Variants in KHDRBS2 observed in about 807,000 individuals in gnomAD.
The protein encoded by KHDRBS2 is KH domain-containing, RNA-binding, signal transduction-associated protein 2.
In KHDRBS2, 26 loss-of-function variants were observed where a neutral mutation model predicts 44.3. The ratio of observed to expected loss-of-function variants is 0.59; its 90% CI spans 0.43 to 0.81. The LOEUF (loss-of-function observed/expected upper bound fraction) is 0.81. KHDRBS2 is among the 40% of genes least tolerant of loss of function. The pLI is 0.00. For missense variants in KHDRBS2, 476 were observed against 433.1 expected, an observed-to-expected ratio of 1.10 and a Z score of -0.88; for synonymous variants, 194 against 151.1, an observed-to-expected ratio of 1.28 and a Z score of -2.08.
rs531424007 is a variant in KHDRBS2, at chr6:62,253,619, A to G, written c.91+32239T>C. Among the ~76,000 whole-genome samples the G allele has an allele frequency of 5.9e-5, 9 of 152,102 alleles. No individual in the cohort carries two copies. The South Asian group carries it at 1.9e-3, about 32-fold the overall frequency. On this transcript the variant is annotated intron_variant, in intron 1 of 8. Transcript: ENST00000281156. ...AAAAATCTATGAATGAATAAAACTG[A>G]CACACAGAAGAAGAAGGGGGAGGAA...
intron 7 of KHDRBS2, among the ~76,000 whole-genome samples, chr6:61,702,747 A>T (rs1768894136): frequency 6.6e-6 from 1 of 151,914 alleles, no homozygotes; most frequent in South Asian, 2.1e-4. Flanking sequence ...ATAAAAATAA[A>T]ATTCAAATAA....
At chr6:62,003,800 A>T (rs1167326341) in intron 3 of KHDRBS2, among the ~76,000 whole-genome samples, 2 of 152,156 alleles carry the variant, frequency 1.3e-5, no homozygotes, top group Middle Eastern at 3.2e-3. Flanking sequence ...AAAGATCAGA[A>T]ATCACAACAA....
the KHDRBS2 span, among the ~76,000 whole-genome samples, chr6:61,618,493 G>T: frequency 6.6e-6 from 1 of 151,952 alleles, no homozygotes; most frequent in Non-Finnish European, 1.5e-5. Context: ...TAAGTTCAGG[G>T]GTACAAGTGT....
At chr6:62,043,977 T>G (rs1368706888) in intron 3 of KHDRBS2, among the ~76,000 whole-genome samples, 3 of 152,110 alleles carry the variant, frequency 2.0e-5, no homozygotes, top group African/African-American at 7.2e-5. Context: ...TATGTTTAAT[T>G]AAGTATCAAG....
chr6:61,593,075 T>C, the KHDRBS2 span, among the ~76,000 whole-genome samples: 1 of 152,198 alleles, frequency 6.6e-6, no homozygotes, highest in Non-Finnish European at 1.5e-5. Flanking sequence ...GTAGTTTTTC[T>C]AGAGTCTCTG....
At chr6:61,775,094 C>T (rs538636192) in intron 6 of KHDRBS2, among the ~76,000 whole-genome samples, 27 of 152,204 alleles carry the variant, frequency 1.8e-4, no homozygotes, top group African/African-American at 5.8e-4. Context: ...TTCAACAACC[C>T]TTCATGCTAA....
chr6:62,130,563 G>GT (rs139936340), intron 2 of KHDRBS2, among the ~76,000 whole-genome samples: 14,214 of 151,804 alleles, frequency 0.094, 774 homozygotes, highest in African/African-American at 0.14. Flanking sequence ...TAACATAATT[G>GT]TTTTTACTAT....
At chr6:61,818,566 A>G (rs1482228528) in intron 6 of KHDRBS2, among the ~76,000 whole-genome samples, 1 of 151,960 alleles carries the variant, frequency 6.6e-6, no homozygotes, top group Non-Finnish European at 1.5e-5. Context: ...CCTAGAAGAA[A>G]TGCACTTCAA....
chr6:61,578,386 T>C, the KHDRBS2 span, among the ~76,000 whole-genome samples: 1 of 152,268 alleles, frequency 6.6e-6, no homozygotes, highest in Non-Finnish European at 1.5e-5. Context: ...TTATGTGTCA[T>C]GATTGCATTT....
At chr6:61,830,063 C>A (rs1791548382) in intron 6 of KHDRBS2, among the ~76,000 whole-genome samples, 1 of 152,038 alleles carries the variant, frequency 6.6e-6, no homozygotes, top group Non-Finnish European at 1.5e-5. Context: ...TAATTGCATG[C>A]TGAATATAGA....
At chr6:61,807,598 C>G (rs536277556) in intron 6 of KHDRBS2, among the ~76,000 whole-genome samples, 11 of 152,114 alleles carry the variant, frequency 7.2e-5, no homozygotes, top group African/African-American at 2.6e-4. Flanking sequence ...ATGTGTCTCA[C>G]AAGTGGGAGA....
At chr6:61,595,210 C>T in the KHDRBS2 span, among the ~76,000 whole-genome samples, 1 of 152,082 alleles carries the variant, frequency 6.6e-6, no homozygotes, top group Non-Finnish European at 1.5e-5. Flanking sequence ...AAAGCAATCC[C>T]ATTGCTAGGT....
chr6:61,940,455 T>C (rs1811921740), intron 4 of KHDRBS2, among the ~76,000 whole-genome samples: 1 of 152,080 alleles, frequency 6.6e-6, no homozygotes, highest in South Asian at 2.1e-4. Flanking sequence ...CAGGAGATTG[T>C]GCAATGGAAC....
At chr6:62,115,184 GT>G (rs1346699576) in intron 2 of KHDRBS2, among the ~76,000 whole-genome samples, 1 of 152,106 alleles carries the variant, frequency 6.6e-6, no homozygotes, top group African/African-American at 2.4e-5. Flanking sequence ...TCAAAAGTCA[GT>G]TTTACCCCAA....
chr6:62,285,843 G>A lies in KHDRBS2; in HGVS notation c.91+15C>T, dbSNP rs1842412572. 1 of 1,597,888 alleles carries A rather than the reference G, an allele frequency of 6.3e-7. No individual in the cohort carries two copies. Among genetic ancestry groups the A allele is most frequent in the Non-Finnish European group, 8.6e-7 (1 of 1,167,712 alleles). On this transcript the variant is annotated intron_variant, in intron 1 of 8. Transcript: ENST00000281156. ...CAGCCGGCGGTTTGTGCCCATCTGTGGGGGCAAGTCCTACCTTCTGCCAAA... is the reference window on the plus strand; with the variant it reads ...CAGCCGGCGGTTTGTGCCCATCTGTAGGGGCAAGTCCTACCTTCTGCCAAA...
At chr6:62,062,166 C>T (rs916854843) in intron 2 of KHDRBS2, among the ~76,000 whole-genome samples, 3 of 148,454 alleles carry the variant, frequency 2.0e-5, no homozygotes, top group African/African-American at 7.5e-5. Flanking sequence ...TAGACTCCCA[C>T]ACATTAATAA....
intron 6 of KHDRBS2, among the ~76,000 whole-genome samples, chr6:61,810,571 T>C (rs1412346501): frequency 6.6e-6 from 1 of 152,042 alleles, no homozygotes; most frequent in African/African-American, 2.4e-5. Context: ...AAAAATTTAA[T>C]AAAAATGTAT....
chr6:61,659,940 G>T, the KHDRBS2 span, among the ~76,000 whole-genome samples: 1 of 151,740 alleles, frequency 6.6e-6, no homozygotes, highest in African/African-American at 2.4e-5. Flanking sequence ...GGGTTATTAT[G>T]AAGAATTCAT....
chr6:61,718,070 A>G (rs1367946711), intron 7 of KHDRBS2, among the ~76,000 whole-genome samples: 3 of 152,092 alleles, frequency 2.0e-5, no homozygotes, highest in Non-Finnish European at 4.4e-5. Flanking sequence ...GGAAAAAAAT[A>G]CCTGCTTCAT....
Sources: gnomAD v4.1 joint callset for allele counts (sites outside exome capture counted in the v4.1 genomes callset) on GRCh38, gnomAD v4.1.1 for gene constraint, MANE v1.5 for transcripts, NCBI Gene and HGNC (gene_info 2026-07-23, HGNC 2026-07-21) for gene names.